Variants in ATP8A1 observed in about 807,000 individuals in gnomAD.
The protein encoded by ATP8A1 is ATPase phospholipid transporting 8A1.
Under a neutral mutation model 177.7 loss-of-function variants are expected in ATP8A1, and 90 were observed. The observed-to-expected ratio is 0.51, with a 90% CI of 0.43 to 0.60. The LOEUF (loss-of-function observed/expected upper bound fraction) is 0.60, where lower values mean the gene tolerates loss of function less well. ATP8A1 is among the 20% of genes least tolerant of loss of function. The pLI is 0.00. For synonymous variants in ATP8A1, 493 were observed against 485.9 expected (o/e 1.01, Z -0.19); for missense variants, 1,072 against 1,392.8 (o/e 0.77, Z 3.67).
chr4:42,645,453 C>T (rs979712887), intron 1 of ATP8A1, among the ~76,000 whole-genome samples: 5 of 152,214 alleles, frequency 3.3e-5, no homozygotes, highest in African/African-American at 9.6e-5. Context: ...GGTTGTATAC[C>T]AGTGTTTTCA....
chr4:42,610,636 T>A (rs1356288565), intron 5 of ATP8A1, among the ~76,000 whole-genome samples: 1 of 151,352 alleles, frequency 6.6e-6, no homozygotes, highest in Non-Finnish European at 1.5e-5. Context: ...CCCACAAATA[T>A]CTCCTCTCCA....
At chr4:42,435,819 C>G (rs768985945) in intron 33 of ATP8A1, among the ~76,000 whole-genome samples, 6 of 152,238 alleles carry the variant, frequency 3.9e-5, no homozygotes, top group Non-Finnish European at 7.3e-5. Flanking sequence ...GTCCCAACTT[C>G]AGAAAGACCT....
intron 25 of ATP8A1, among the ~76,000 whole-genome samples, chr4:42,481,524 T>A (rs756804016): frequency 2.6e-5 from 4 of 152,238 alleles, no homozygotes; most frequent in Non-Finnish European, 5.9e-5. Context: ...AATCTCTAGA[T>A]AAAATGCTTT....
At chr4:42,655,019 T>C (rs62303580) in intron 1 of ATP8A1, among the ~76,000 whole-genome samples, 10,235 of 152,294 alleles carry the variant, frequency 0.067, 487 homozygotes, top group Non-Finnish European at 0.096. Flanking sequence ...GCTGAAGCTA[T>C]AATAAACTGG....
intron 10 of ATP8A1, among the ~76,000 whole-genome samples, 195 bp downstream of exon 10, chr4:42,581,426 C>G (rs1204221341): frequency 6.6e-6 from 1 of 152,204 alleles, no homozygotes; most frequent in Non-Finnish European, 1.5e-5. Context: ...AGCCACCGCG[C>G]CCAGCCCAAG....
chr4:42,604,648 C>T (rs1414163726), intron 5 of ATP8A1, among the ~76,000 whole-genome samples: 1 of 152,152 alleles, frequency 6.6e-6, no homozygotes, highest in African/African-American at 2.4e-5. Flanking sequence ...AGCACAGTTA[C>T]CACAGACCCA....
chr4:42,463,102 C>G (rs1394807656), intron 27 of ATP8A1, among the ~76,000 whole-genome samples: 1 of 152,090 alleles, frequency 6.6e-6, no homozygotes, highest in East Asian at 1.9e-4. Context: ...AGACTTTGGA[C>G]TGTGGACTTC....
intron 14 of ATP8A1, among the ~76,000 whole-genome samples, chr4:42,570,694 C>T (rs559168073): frequency 9.2e-5 from 14 of 152,336 alleles, no homozygotes; most frequent in Admixed American, 2.6e-4. Flanking sequence ...TGCAAGTTTC[C>T]CTGTTATTGC....
chr4:42,635,780 C>CAGATATATATATAT (rs1317800276), intron 1 of ATP8A1, among the ~76,000 whole-genome samples: 1 of 43,466 alleles, frequency 2.3e-5, no homozygotes, highest in Non-Finnish European at 5.1e-5. Context: ...CACACACACA[C>CAGATATATATATAT]ACATATATAT....
chr4:42,450,444 T>C (rs752884860), intron 30 of ATP8A1, among the ~76,000 whole-genome samples: 1 of 152,164 alleles, frequency 6.6e-6, no homozygotes, highest in South Asian at 2.1e-4. Context: ...AACTACTGAA[T>C]TGTACACTTT....
chr4:42,423,890 A>C (rs568145361), intron 33 of ATP8A1, among the ~76,000 whole-genome samples, 185 bp from the exon 34 acceptor site: 1 of 152,334 alleles, frequency 6.6e-6, no homozygotes, highest in Non-Finnish European at 1.5e-5. Context: ...CAAATTTAAA[A>C]TATACTCTGG....
chr4:42,426,498 C>T (rs770096140), intron 33 of ATP8A1, among the ~76,000 whole-genome samples: 9 of 152,208 alleles, frequency 5.9e-5, no homozygotes, highest in Non-Finnish European at 8.8e-5. Flanking sequence ...GGTCCTGGCA[C>T]GGCCCTTCCC....
intron 10 of ATP8A1, among the ~76,000 whole-genome samples, chr4:42,580,728 A>G (rs1732950998): frequency 6.6e-6 from 1 of 152,218 alleles, no homozygotes; most frequent in Non-Finnish European, 1.5e-5. Context: ...TAGCTCTGAG[A>G]GCAGATTTTC....
chr4:42,639,920 ATACC>A lies in ATP8A1; in HGVS notation c.50-12815_50-12812del, dbSNP rs1286749790. ...TTAAATCATCTCTCGATTACTTATAATACCTAACACAATGCCTACACGTCATTTG... is the reference window on the plus strand; with the variant it reads ...TTAAATCATCTCTCGATTACTTATAATAACACAATGCCTACACGTCATTTG... On this transcript the variant is annotated intron_variant, in intron 1 of 36. Transcript: ENST00000381668. Among the ~76,000 whole-genome samples the A allele has an allele frequency of 3.9e-5, 6 of 152,342 alleles. No homozygotes were observed. In the South Asian group the frequency reaches 1.0e-3, roughly 26 times the overall value.
intron 7 of ATP8A1, among the ~76,000 whole-genome samples, chr4:42,589,917 A>G (rs2109365139): frequency 6.6e-6 from 1 of 152,242 alleles, no homozygotes; most frequent in African/African-American, 2.4e-5. Context: ...GGAAGTTCAA[A>G]TGGCTAAGTT....
chr4:42,483,844 A>T (rs1721938385), intron 25 of ATP8A1, among the ~76,000 whole-genome samples: 1 of 152,184 alleles, frequency 6.6e-6, no homozygotes, highest in Non-Finnish European at 1.5e-5. Context: ...CTTAGAAAGA[A>T]AGATACATGA....
At position 42,422,796 on chromosome 4, in the gene ATP8A1, G is replaced by A. The variant is rs1291227064; in HGVS notation, c.3305+11C>T. On this transcript the variant is annotated intron_variant, in intron 35 of 36. Transcript: ENST00000381668. The stretch of plus-strand genomic sequence containing the variant: ...TCATTTGGAAAAGAATATATTCACT[G>A]TGTATTTTACCTTTTTCCAAGTACA... The A allele has an allele frequency of 1.3e-6, 2 of 1,597,438 alleles. No homozygotes were observed. The highest frequency in any genetic ancestry group is 2.7e-5 in the African/African-American group (2 of 74,488).
At chr4:42,606,788 T>C (rs1373138555) in intron 5 of ATP8A1, among the ~76,000 whole-genome samples, 1 of 152,202 alleles carries the variant, frequency 6.6e-6, no homozygotes, top group Non-Finnish European at 1.5e-5. Context: ...GATTGTACCC[T>C]GTAAGAGAGA....
chr4:42,500,466 C>T (rs1723750374), intron 24 of ATP8A1, among the ~76,000 whole-genome samples: 1 of 152,114 alleles, frequency 6.6e-6, no homozygotes, highest in African/African-American at 2.4e-5. Flanking sequence ...AAGTAGTTCA[C>T]AGCAGCACTA....
Sources: allele counts gnomAD v4.1 joint callset (sites outside exome capture counted in the v4.1 genomes callset), GRCh38; gene constraint gnomAD v4.1.1; transcripts MANE v1.5; gene names NCBI Gene and HGNC (gene_info 2026-07-23, HGNC 2026-07-21).